SEC24B: variants seen among roughly 807,000 people sequenced by gnomAD.
SEC24B encodes protein transport protein Sec24B.
SEC24B carries 45 observed loss-of-function variants against 142.8 expected under a neutral mutation model. The ratio of observed to expected loss-of-function variants is 0.32; its 90% CI spans 0.25 to 0.40. SEC24B has a LOEUF of 0.40. Ranked by LOEUF, SEC24B falls within the 10% of genes least tolerant of loss-of-function variation. The probability of loss-of-function intolerance (pLI) is 1.00; values close to 1 mark genes in which losing one functional copy is unlikely to be tolerated. For missense variants in SEC24B, 1,409 were observed against 1,526.8 expected, an observed-to-expected ratio of 0.92 and a Z score of 1.29; for synonymous variants, 574 against 568.2, an observed-to-expected ratio of 1.01 and a Z score of -0.15.
At chr4:109,508,859 G>A (rs1340296223) in intron 7 of SEC24B, among the ~76,000 whole-genome samples, 2 of 152,106 alleles carry the variant, frequency 1.3e-5, no homozygotes, top group African/African-American at 4.8e-5. Context: ...TTTATCAAAT[G>A]CCTTGGAAGT....
rs1226120968 is a variant in SEC24B at position 109,526,284 on chromosome 4, C to A, written c.2850C>A (p.Ser950=). 1 of 1,613,814 alleles carries A rather than the reference C, an allele frequency of 6.2e-7. No homozygotes were observed. Among genetic ancestry groups the A allele is most frequent in the African/African-American group, 1.3e-5 (1 of 74,890 alleles). The part of the protein sequence containing the change: ...NFFVRSTDLL[S]LANINPDAGF... ...TTGTCCGTTCTACTGATTTGTTATCCCTTGCCAACATCAATCCTGATGCTG... is the reference window on the plus strand; with the variant it reads ...TTGTCCGTTCTACTGATTTGTTATCACTTGCCAACATCAATCCTGATGCTG... The change falls in exon 17 of 24, where the codon TCC becomes TCA. Residue 950 remains serine, a synonymous_variant. Coordinates refer to ENST00000265175, the MANE Select transcript of SEC24B (RefSeq NM_006323.5).
In SEC24B at chr4:109,513,871, T is replaced by C. The variant is rs757821432; in HGVS notation, c.2013+15T>C. Reference sequence around the variant, plus strand: ...CAGATTACATGGTAACTATTCAGTGTTAAGATTTGTTATGGAACACAATTA... The same window carrying C: ...CAGATTACATGGTAACTATTCAGTGCTAAGATTTGTTATGGAACACAATTA... On this transcript the variant is annotated intron_variant, in intron 10 of 23. Transcript: ENST00000265175. The C allele has an allele frequency of 4.1e-6, 6 of 1,455,874 alleles. No homozygotes were observed. Among genetic ancestry groups the C allele is most frequent in the South Asian group, 1.1e-5 (1 of 87,582 alleles). The allele number at this position is 1,455,874 out of a possible 1,614,324, so 90.2% of individuals were successfully genotyped here. A position where few individuals can be genotyped will look rare whatever the true frequency, so the allele number is the denominator to read the frequency against.
At chr4:109,501,031 C>T (rs954614075) in intron 6 of SEC24B, among the ~76,000 whole-genome samples, 1 of 152,134 alleles carries the variant, frequency 6.6e-6, no homozygotes, top group Non-Finnish European at 1.5e-5. Context: ...CAGTAGTGTC[C>T]TGGGCTTTCA....
chr4:109,513,538 G>A (rs527725457), intron 9 of SEC24B, among the ~76,000 whole-genome samples: 6 of 152,082 alleles, frequency 3.9e-5, no homozygotes, highest in East Asian at 1.9e-4. Context: ...CGCCGCGGCC[G>A]CCCAAAGTGC....
In SEC24B at chr4:109,526,226, GTCTT is replaced by G. The variant is rs747610428; in HGVS notation, c.2795_2798del (p.Leu932GlnfsTer38). ...TTTTTTATGATTTTCTCCTTTTTAG[GTCTT>G]TCAATGCACACTTTTCACGGTAACT... On this transcript the variant is annotated frameshift_variant and splice_region_variant, in exon 17 of 24. Transcript: ENST00000265175. LOFTEE classifies it high-confidence loss of function. 2 of 1,611,822 alleles carry G rather than the reference GTCTT, an allele frequency of 1.2e-6. No homozygotes were observed. Among genetic ancestry groups the G allele is most frequent in the Non-Finnish European group, 1.7e-6 (2 of 1,179,200 alleles).
intron 6 of SEC24B, among the ~76,000 whole-genome samples, chr4:109,500,281 C>T (rs979629343): frequency 6.6e-6 from 1 of 152,118 alleles, no homozygotes; most frequent in Non-Finnish European, 1.5e-5. Flanking sequence ...CATTGGCTCA[C>T]ACCTGTAATC....
intron 1 of SEC24B, chr4:109,449,346 C>G (rs1196864996): frequency 5.7e-6 from 2 of 351,114 alleles, no homozygotes; most frequent in Non-Finnish European, 1.1e-5. Flanking sequence ...ACCTCAGCCT[C>G]CCAAGTAGCT....
At position 109,539,253 on chromosome 4, in the gene SEC24B, C is replaced by T. The variant is rs1047351581; in HGVS notation, c.3693-308C>T. On this transcript the variant is annotated intron_variant, in intron 23 of 23. Transcript: ENST00000265175. ...CTGGGATTACAGGCGTGAGCCACCA[C>T]GCCCGGCCAATTTTAAAAATTTTTT... Among the ~76,000 whole-genome samples, 11 of 151,904 alleles carry T rather than the reference C, an allele frequency of 7.2e-5. No homozygotes were observed. In the East Asian group the frequency reaches 9.7e-4, roughly 13 times the overall value.
chr4:109,479,542 G>A (rs183123055), intron 3 of SEC24B, among the ~76,000 whole-genome samples: 2 of 152,180 alleles, frequency 1.3e-5, no homozygotes, highest in African/African-American at 4.8e-5. Context: ...CTCCCCATTT[G>A]TTGTAGTCTG....
At chr4:109,489,175 T>C (rs1409332464) in intron 4 of SEC24B, among the ~76,000 whole-genome samples, 1 of 152,116 alleles carries the variant, frequency 6.6e-6, no homozygotes, top group African/African-American at 2.4e-5. Context: ...TAAAAATTCA[T>C]TTAGTCATGA....
intron 23 of SEC24B, among the ~76,000 whole-genome samples, 164 bp downstream of exon 23, chr4:109,538,760 AT>A (rs1725836885): frequency 6.6e-6 from 1 of 152,024 alleles, no homozygotes; most frequent in African/African-American, 2.4e-5. Context: ...ATCTCCATAT[AT>A]TAGTAATTTT....
At chr4:109,472,206 G>GTA (rs1578831909) in intron 2 of SEC24B, among the ~76,000 whole-genome samples, 2 of 152,044 alleles carry the variant, frequency 1.3e-5, no homozygotes, top group African/African-American at 4.8e-5. Flanking sequence ...ACATGTGCAG[G>GTA]TATATATATG....
At chr4:109,439,167 A>C (rs1447747647) in intron 1 of SEC24B, among the ~76,000 whole-genome samples, 1 of 152,248 alleles carries the variant, frequency 6.6e-6, no homozygotes, top group Non-Finnish European at 1.5e-5. Flanking sequence ...ATAATGCAAG[A>C]AAGATGAGAT....
chr4:109,526,152 C>G (rs903550641), intron 16 of SEC24B, 74 bp from the exon 17 acceptor site: 1 of 1,398,422 alleles, frequency 7.2e-7, no homozygotes, highest in Non-Finnish European at 1.0e-6. Context: ...ACATCTTTGA[C>G]TTAAAAAAGT....
chr4:109,539,730 G>A lies in SEC24B; in HGVS notation c.*55G>A, dbSNP rs1445114905. 8.6e-7 allele frequency: 1 copy of A among 1,156,746 alleles called. No individual in the cohort carries two copies. Among genetic ancestry groups the A allele is most frequent in the Non-Finnish European group, 1.3e-6 (1 of 779,280 alleles). The allele number at this position is 1,156,746 out of a possible 1,614,324, so 71.7% of individuals were successfully genotyped here. A position where few individuals can be genotyped will look rare whatever the true frequency, so the allele number is the denominator to read the frequency against. On this transcript the variant is annotated 3_prime_UTR_variant, in exon 24 of 24. Transcript: ENST00000265175. ...CTATAACCTAGGTAAAGCATAATCT[G>A]TCAGAGAAGCGCGTGAGAAATTTGA... is the stretch of plus-strand genomic sequence containing the variant.
chr4:109,530,256 G>GT, intron 18 of SEC24B, 33 bp from the exon 19 acceptor site: 1 of 1,592,634 alleles, frequency 6.3e-7, no homozygotes, highest in Non-Finnish European at 8.6e-7. Flanking sequence ...GATTCTAATG[G>GT]TTAAAATACC....
intron 1 of SEC24B, among the ~76,000 whole-genome samples, chr4:109,440,066 G>A (rs948400237): frequency 2.0e-5 from 3 of 151,264 alleles, no homozygotes; most frequent in Admixed American, 2.0e-4. Context: ...GTCGTGGTGA[G>A]CCAAGATTGT....
At chr4:109,474,663 G>A (rs1482358776) in intron 3 of SEC24B, among the ~76,000 whole-genome samples, 1 of 152,116 alleles carries the variant, frequency 6.6e-6, no homozygotes, top group South Asian at 2.1e-4. Context: ...GACCTCAGGT[G>A]ATCCGCCCAC....
At position 109,530,330 on chromosome 4, in the gene SEC24B, G is replaced by A; in HGVS notation, c.3118G>A (p.Asp1040Asn). 1 of 1,614,020 alleles carries A rather than the reference G, an allele frequency of 6.2e-7. No homozygotes were observed. Among genetic ancestry groups the A allele is most frequent in the Non-Finnish European group, 8.5e-7 (1 of 1,179,928 alleles). Residue 1040 changes from aspartate to asparagine, a missense_variant, in exon 19 of 24, where the codon GAT (aspartate) becomes AAT (asparagine). Physicochemically the swap from Asp to Asn is conservative, Grantham distance 23. Coordinates refer to ENST00000265175, the MANE Select transcript of SEC24B (RefSeq NM_006323.5). ...TTCATCAAGTCTGTCAGATGCAAGA[G>A]ATGCCTTAGTGAATGCTGTAGTGGA... ...SVSSSLSDAR[D>N]ALVNAVVDSL...
Sources: gnomAD v4.1 joint callset for allele counts (sites outside exome capture counted in the v4.1 genomes callset) on GRCh38, gnomAD v4.1.1 for gene constraint, MANE v1.5 for transcripts, NCBI Gene and HGNC (gene_info 2026-07-23, HGNC 2026-07-21) for gene names.